DUSP11: variants seen among roughly 807,000 people sequenced by gnomAD.
DUSP11 encodes RNA/RNP complex-1-interacting phosphatase.
In DUSP11, 27 loss-of-function variants were observed where a neutral mutation model predicts 41.4. That is an observed-to-expected ratio of 0.65 (90% CI 0.48 to 0.90). The LOEUF is 0.90. Ranked by LOEUF, DUSP11 falls within the 40% of genes least tolerant of loss-of-function variation. The pLI, the probability that DUSP11 is intolerant of heterozygous loss-of-function variation, is 0.00. For missense variants in DUSP11, 465 were observed against 461.1 expected, an observed-to-expected ratio of 1.01 and a Z score of -0.08; for synonymous variants, 188 against 159.3, an observed-to-expected ratio of 1.18 and a Z score of -1.35.
chr2:73,778,092 TTTATA>T (rs1558535868), intron 2 of DUSP11, among the ~76,000 whole-genome samples: 1 of 151,940 alleles, frequency 6.6e-6, no homozygotes, highest in East Asian at 1.9e-4. Flanking sequence ...TATTTTATTT[TTTATA>T]TTATAGTTAG....
At chr2:73,777,444 G>A (rs1399149484) in intron 2 of DUSP11, among the ~76,000 whole-genome samples, 1 of 152,152 alleles carries the variant, frequency 6.6e-6, no homozygotes, top group Non-Finnish European at 1.5e-5. Flanking sequence ...AGAAAGACAT[G>A]GAATCTAGAA....
chr2:73,779,767 G>A, intron 1 of DUSP11, 107 bp downstream of exon 1: 1 of 1,534,880 alleles, frequency 6.5e-7, no homozygotes, highest in South Asian at 1.2e-5. Context: ...CGGCGGACAA[G>A]TCAAGCTTGC....
chr2:73,779,651 G>T, intron 1 of DUSP11: 3 of 689,178 alleles, frequency 4.4e-6, no homozygotes, highest in Non-Finnish European at 4.8e-6. Context: ...AAGAGCAATG[G>T]CCAGAACCTC....
rs180859591 is a variant in DUSP11 at position 73,775,485 on chromosome 2, A to C, written c.319-441T>G. Reference sequence around the variant, plus strand: ...CCTCCACCTCCTGGGCTCAAGCAATACTCCCACCTCAACCTCACAAGTAGC... The same window carrying C: ...CCTCCACCTCCTGGGCTCAAGCAATCCTCCCACCTCAACCTCACAAGTAGC... On this transcript the variant is annotated intron_variant, in intron 2 of 8. Coordinates refer to ENST00000272444, the Ensembl canonical transcript of DUSP11. Among the ~76,000 whole-genome samples the C allele has an allele frequency of 4.5e-3, 650 of 143,730 alleles. 8 individuals carry two copies. The highest frequency in any genetic ancestry group is 0.016 in the African/African-American group (626 of 38,598). 94.3% of individuals were successfully genotyped at this position (143,730 alleles called of 152,430 possible).
intron 4 of DUSP11, among the ~76,000 whole-genome samples, chr2:73,771,922 G>A (rs1234620923): frequency 2.6e-5 from 4 of 151,146 alleles, no homozygotes; most frequent in Admixed American, 2.0e-4. Flanking sequence ...CCGGGTTCAC[G>A]CCATTCTCCT....
Position 73,769,571 on chromosome 2 carries a change from C to A in DUSP11, c.575-246G>T, listed in dbSNP as rs369423844. On this transcript the variant is annotated intron_variant, in intron 4 of 8. Coordinates refer to ENST00000272444, the Ensembl canonical transcript of DUSP11. ...ACAGCTAAAACTGCAATGAGACAAA[C>A]CCGTCTATCTTAAAACAGAATGCCC... Among the ~76,000 whole-genome samples, 55 of 152,286 alleles carry A rather than the reference C, an allele frequency of 3.6e-4. No individual in the cohort carries two copies. In the South Asian group the frequency reaches 0.011, roughly 30 times the overall value.
rs967135226 is a variant in DUSP11, at chr2:73,767,056, C to T, written c.682+105G>A. The T allele has an allele frequency of 6.0e-6, 8 of 1,322,728 alleles. No homozygotes were observed. In the Admixed American group the frequency reaches 7.4e-5, roughly 12 times the overall value. The allele number at this position is 1,322,728 out of a possible 1,614,324, so 81.9% of individuals were successfully genotyped here. ...TTGGCAAGACTATCTTATATTGGAA[C>T]AAACGAATTACAAACTTCTTTTTTT... On this transcript the variant is annotated intron_variant, in intron 6 of 8. Coordinates refer to ENST00000272444, the Ensembl canonical transcript of DUSP11.
chr2:73,770,325 G>A (rs1672549931), intron 4 of DUSP11, among the ~76,000 whole-genome samples: 1 of 151,798 alleles, frequency 6.6e-6, no homozygotes, highest in Admixed American at 6.6e-5. Flanking sequence ...GACCAGCCTG[G>A]CCAATATGGT....
intron 4 of DUSP11, among the ~76,000 whole-genome samples, chr2:73,771,901 A>G (rs917666758): frequency 1.3e-5 from 2 of 149,832 alleles, no homozygotes; most frequent in Admixed American, 1.3e-4. Flanking sequence ...GCTCACTGAA[A>G]GCTCCGCCTC....
intron 4 of DUSP11, among the ~76,000 whole-genome samples, chr2:73,769,821 G>T (rs1292234414): frequency 6.6e-6 from 1 of 152,156 alleles, no homozygotes; most frequent in East Asian, 1.9e-4. Context: ...AAGTACTCAG[G>T]TAAATAGCAC....
At chr2:73,780,144 C>T (rs1316152975) in exon 1 of DUSP11, 1 of 1,551,402 alleles carries the variant, frequency 6.4e-7, no homozygotes, top group African/African-American at 1.4e-5. Flanking sequence ...ATGGCGTAGC[C>T]ACGCTGGCTT....
intron 2 of DUSP11, among the ~76,000 whole-genome samples, chr2:73,776,179 C>A (rs1301977150): frequency 1.3e-5 from 2 of 151,880 alleles, no homozygotes; most frequent in East Asian, 1.9e-4. Flanking sequence ...CTTTGGGAGG[C>A]CGAGGCAGGA....
Position 73,767,380 on chromosome 2 carries a change from T to C in DUSP11, c.636-173A>G, listed in dbSNP as rs1371076746. 5.6e-6 allele frequency: 3 copies of C among 539,732 alleles called. No homozygotes were observed. In the East Asian group the frequency reaches 9.1e-5, roughly 16 times the overall value. The allele number at this position is 539,732 out of a possible 1,614,324, so 33.4% of individuals were successfully genotyped here. On this transcript the variant is annotated intron_variant, in intron 5 of 8. Transcript: ENST00000272444. ...GACATACCATGACCACAAAAAGACGTTTTTCAAGAATGCAAGGATGACCCA... is the reference window on the plus strand; with the variant it reads ...GACATACCATGACCACAAAAAGACGCTTTTCAAGAATGCAAGGATGACCCA...
intron 5 of DUSP11, chr2:73,768,532 C>T: frequency 2.0e-6 from 2 of 985,366 alleles, no homozygotes; most frequent in Non-Finnish European, 2.4e-6. Flanking sequence ...GTGAAATTAC[C>T]TCCGGGGCTA....
rs115400153 is a variant in DUSP11 at position 73,776,498 on chromosome 2, A to C, written c.319-1454T>G. On this transcript the variant is annotated intron_variant, in intron 2 of 8. Transcript: ENST00000272444. ...TGAGCCAAAAGGACAGATAGTTCCC[A>C]CATGTACTTTGCCTTCCCCAACCCA... Among the ~76,000 whole-genome samples the C allele has an allele frequency of 5.0e-3, 759 of 151,378 alleles. 7 individuals carry two copies. Among genetic ancestry groups the C allele is most frequent in the African/African-American group, 0.017 (714 of 41,294 alleles).
At chr2:73,762,395 C>A in exon 9 of DUSP11, 1 of 251,550 alleles carries the variant, frequency 4.0e-6, no homozygotes, top group South Asian at 1.4e-4. Flanking sequence ...AAATAATTTG[C>A]AAGGGAAGTT....
At chr2:73,772,937 T>G (rs1672614835) in intron 4 of DUSP11, among the ~76,000 whole-genome samples, 1 of 152,236 alleles carries the variant, frequency 6.6e-6, no homozygotes, top group African/African-American at 2.4e-5. Flanking sequence ...CAGATTTATG[T>G]AACAAAGTGT....
At chr2:73,773,773 A>T in intron 4 of DUSP11, 27 bp downstream of exon 4, 1 of 1,586,672 alleles carries the variant, frequency 6.3e-7, no homozygotes, top group Non-Finnish European at 8.6e-7. Context: ...AATGCACACC[A>T]CAGTTCAGGT....
chr2:73,774,349 G>A (rs1219404478), intron 3 of DUSP11, among the ~76,000 whole-genome samples: 2 of 152,144 alleles, frequency 1.3e-5, no homozygotes, highest in Admixed American at 1.3e-4. Flanking sequence ...ATTGAGAACC[G>A]ATATTCTTGG....
Sources: allele counts gnomAD v4.1 joint callset (sites outside exome capture counted in the v4.1 genomes callset), GRCh38; gene constraint gnomAD v4.1.1; transcripts MANE v1.5; gene names NCBI Gene and HGNC (gene_info 2026-07-23, HGNC 2026-07-21).